The following CCDC125 variants were observed in gnomAD, a reference collection of about 807,000 sequenced individuals.
CCDC125 encodes coiled-coil domain-containing protein 125.
CCDC125 carries 43 observed loss-of-function variants against 57.4 expected under a neutral mutation model. The observed-to-expected ratio is 0.75, with a 90% confidence interval of 0.59 to 0.97. The LOEUF is 0.97. Among genes scored for constraint, CCDC125 ranks in the 50% least tolerant of loss-of-function variants. The pLI, the probability that CCDC125 is intolerant of heterozygous loss-of-function variation, is 0.00. For missense variants in CCDC125, 563 were observed against 595.7 expected (o/e 0.95, Z 0.57); for synonymous variants, 187 against 195.2 (o/e 0.96, Z 0.35).
At chr5:69,330,822 G>A (rs1012307029) in intron 1 of CCDC125, among the ~76,000 whole-genome samples, 5 of 152,194 alleles carry the variant, frequency 3.3e-5, no homozygotes, top group Middle Eastern at 3.4e-3. Flanking sequence ...CTGGTGGAAC[G>A]TCTCTTTAAT....
rs766365951 is a variant in CCDC125 at position 69,282,682 on chromosome 5, T to C, written c.*47A>G. On this transcript the variant is annotated 3_prime_UTR_variant, in exon 12 of 12. Transcript: ENST00000396496. ...AAATTTACAAAATCATTTTTCAAAGTATCTCGATATAAACAACTCTCAGTT... is the reference window on the plus strand; with the variant it reads ...AAATTTACAAAATCATTTTTCAAAGCATCTCGATATAAACAACTCTCAGTT... The C allele has an allele frequency of 6.3e-6, 9 of 1,429,274 alleles. No individual in the cohort carries two copies. In the South Asian group the frequency reaches 1.2e-4, roughly 19 times the overall value. 88.5% of individuals were successfully genotyped at this position (1,429,274 alleles called of 1,614,324 possible).
chr5:69,329,935 C>T (rs1241127575), intron 1 of CCDC125, among the ~76,000 whole-genome samples: 1 of 152,202 alleles, frequency 6.6e-6, no homozygotes, highest in Non-Finnish European at 1.5e-5. Flanking sequence ...TTGGGAAAGG[C>T]TGTAGGATGA....
chr5:69,292,579 C>G (rs1754629073), intron 9 of CCDC125, among the ~76,000 whole-genome samples: 1 of 152,158 alleles, frequency 6.6e-6, no homozygotes, highest in African/African-American at 2.4e-5. Flanking sequence ...TGGTGCCTGT[C>G]AACTGCCTGC....
At chr5:69,315,255 C>T (rs569190219) in intron 2 of CCDC125, among the ~76,000 whole-genome samples, 5 of 113,418 alleles carry the variant, frequency 4.4e-5, no homozygotes, top group East Asian at 5.1e-4. Flanking sequence ...GGCTCTGTCT[C>T]GAAAAAATAA....
intron 9 of CCDC125, chr5:69,294,102 C>G (rs1754941615): frequency 1.0e-6 from 1 of 976,262 alleles, no homozygotes; most frequent in African/African-American, 1.7e-5. Context: ...TTCACTGTGC[C>G]TTGCTGCTGT....
At position 69,283,740 on chromosome 5, in the gene CCDC125, G is replaced by A. The variant is rs369631007; in HGVS notation, c.1231-706C>T. 6.6e-5 allele frequency among the ~76,000 whole-genome samples: 10 copies of A among 151,652 alleles called. No homozygotes were observed. In the East Asian group the frequency reaches 1.8e-3, roughly 27 times the overall value. ...TGGCCTCAAGTGATCCACTCGCCTC[G>A]GCCTCCCAAAGTGCTGGAATTACAG... On this transcript the variant is annotated intron_variant, in intron 11 of 11. Transcript: ENST00000396496.
At chr5:69,303,731 T>A (rs1303447468) in intron 7 of CCDC125, 116 bp downstream of exon 7, 1 of 632,084 alleles carries the variant, frequency 1.6e-6, no homozygotes, top group African/African-American at 1.9e-5. Context: ...TTCTTAAATT[T>A]AAAAAACCTA....
At chr5:69,300,244 C>T (rs950104162) in intron 7 of CCDC125, 117 bp from the exon 8 acceptor site, 4 of 714,152 alleles carry the variant, frequency 5.6e-6, no homozygotes, top group East Asian at 2.5e-5. Context: ...CCCACAACAT[C>T]GGGCTCCATT....
At chr5:69,319,957 C>T (rs1382277006) in intron 2 of CCDC125, among the ~76,000 whole-genome samples, 2 of 152,002 alleles carry the variant, frequency 1.3e-5, no homozygotes, top group African/African-American at 4.8e-5. Context: ...CTCGCCTCTA[C>T]TAAAAACACA....
intron 4 of CCDC125, chr5:69,309,620 C>G (rs1168345131): frequency 1.3e-5 from 2 of 152,170 alleles, no homozygotes; most frequent in Non-Finnish European, 2.9e-5. Context: ...GGCTAGGGCA[C>G]TACAGAAGGG....
intron 7 of CCDC125, among the ~76,000 whole-genome samples, chr5:69,300,807 A>G (rs1234459959): frequency 4.2e-5 from 6 of 141,406 alleles, no homozygotes; most frequent in Non-Finnish European, 6.3e-5. Context: ...GACACAGCAT[A>G]AAGTGCCGCT....
chr5:69,309,438 G>A (rs781590502), intron 4 of CCDC125: 2 of 152,268 alleles, frequency 1.3e-5, no homozygotes, highest in Non-Finnish European at 2.9e-5. Flanking sequence ...TGTGAATATA[G>A]AGGGTGCAAG....
At chr5:69,278,854 A>G (rs1752329391), downstream of CCDC125, among the ~76,000 whole-genome samples, 1 of 143,896 alleles carries the variant, frequency 6.9e-6, no homozygotes, top group African/African-American at 2.5e-5. Flanking sequence ...GCATACCACC[A>G]TGCCTGGTTA....
downstream of CCDC125, chr5:69,276,619 T>G (rs1193866096): frequency 6.2e-7 from 1 of 1,613,988 alleles, no homozygotes; most frequent in Non-Finnish European, 8.5e-7. Flanking sequence ...AACTGTCCAG[T>G]GGAAACCTTA....
intron 1 of CCDC125, 145 bp downstream of exon 1, chr5:69,332,504 A>G (rs1306152782): frequency 6.6e-6 from 1 of 152,154 alleles, no homozygotes; most frequent in Non-Finnish European, 1.5e-5. Flanking sequence ...TCTGAAATCT[A>G]TTTCTTATTT....
chr5:69,305,223 T>C (rs1757143574), intron 6 of CCDC125, among the ~76,000 whole-genome samples: 1 of 152,168 alleles, frequency 6.6e-6, no homozygotes, highest in South Asian at 2.1e-4. Context: ...TGGTTTTTTT[T>C]TCTTTTTGGA....
chr5:69,289,295 G>C (rs1401945831), intron 10 of CCDC125, among the ~76,000 whole-genome samples: 1 of 152,202 alleles, frequency 6.6e-6, no homozygotes, highest in Non-Finnish European at 1.5e-5. Context: ...TCCTCAAAGA[G>C]GATTTTACAA....
intron 3 of CCDC125, 28 bp downstream of exon 3, chr5:69,313,957 T>G (rs771189929): frequency 6.5e-7 from 1 of 1,533,636 alleles, no homozygotes; most frequent in Non-Finnish European, 9.0e-7. Context: ...GCTAAACTGA[T>G]AATTTTTATA....
intron 6 of CCDC125, among the ~76,000 whole-genome samples, chr5:69,305,034 TAAA>T (rs527680073): frequency 7.5e-6 from 1 of 134,014 alleles, no homozygotes. Flanking sequence ...ACAACTGCTC[TAAA>T]AAAAAAAAAA....
Sources: allele counts gnomAD v4.1 joint callset (sites outside exome capture counted in the v4.1 genomes callset), GRCh38; gene constraint gnomAD v4.1.1; transcripts MANE v1.5; gene names NCBI Gene and HGNC (gene_info 2026-07-23, HGNC 2026-07-21).